TRRAP: variants seen among roughly 807,000 people sequenced by gnomAD.
The protein encoded by TRRAP is transformation/transcription domain associated protein.
Under a neutral mutation model 438.8 loss-of-function variants are expected in TRRAP, and 41 were observed. That is an observed-to-expected ratio of 0.09 (90% confidence interval 0.07 to 0.12). TRRAP has a LOEUF of 0.12. Ranked by LOEUF, TRRAP falls within the 10% of genes least tolerant of loss-of-function variation. TRRAP has a pLI of 1.00. For missense variants in TRRAP, 3,122 were observed against 5,055.1 expected (o/e 0.62, Z 11.60); for synonymous variants, 1,994 against 1,962.9 (o/e 1.02, Z -0.42).
intron 30 of TRRAP, among the ~76,000 whole-genome samples, 194 bp from the exon 31 acceptor site, chr7:98,942,755 G>C (rs1790854905): frequency 6.6e-6 from 1 of 152,204 alleles, no homozygotes; most frequent in Non-Finnish European, 1.5e-5. Flanking sequence ...GTCAGAGCAA[G>C]GCAGGCTTTT....
intron 20 of TRRAP, among the ~76,000 whole-genome samples, chr7:98,919,245 G>T (rs1789675258): frequency 6.6e-6 from 1 of 152,158 alleles, no homozygotes; most frequent in African/African-American, 2.4e-5. Flanking sequence ...TGAGTTTGAG[G>T]TTGGGATATT....
chr7:98,929,108 T>A (rs1159698890), intron 23 of TRRAP, among the ~76,000 whole-genome samples: 1 of 151,920 alleles, frequency 6.6e-6, no homozygotes, highest in Non-Finnish European at 1.5e-5. Flanking sequence ...CCGGGTAATT[T>A]TTTTGGTATT....
In TRRAP at chr7:99,012,256, G is replaced by A; in HGVS notation, c.11523G>A (p.Gln3841=). The A allele has an allele frequency of 6.2e-7, 1 of 1,614,068 alleles. No individual in the cohort carries two copies. The highest frequency in any genetic ancestry group is 8.5e-7 in the Non-Finnish European group (1 of 1,180,000). The change falls in exon 73 of 73, where the codon CAG becomes CAA. Residue 3841 remains glutamine (Q), a synonymous_variant. Transcript: ENST00000456197. The surrounding 1 kb of genome is among the most constrained non-coding windows in gnomAD (Gnocchi z 5.9). The part of the protein sequence containing the change: ...AIMTRLHNLA[Q]FEGGESKVNT... ...TGACCCGCCTGCACAACCTCGCCCAGTTCGAAGGCGGGGAAAGCAAGGTGA... is the reference window on the plus strand; with the variant it reads ...TGACCCGCCTGCACAACCTCGCCCAATTCGAAGGCGGGGAAAGCAAGGTGA...
At position 98,955,244 on chromosome 7, in the gene TRRAP, G is replaced by A. The variant is rs782062147; in HGVS notation, c.5877G>A (p.Glu1959=). The change falls in exon 41 of 73, where the codon GAG becomes GAA. Residue 1959 remains glutamate, a synonymous_variant. Coordinates refer to ENST00000456197, the MANE Select transcript of TRRAP (RefSeq NM_001375524.1). ...ACTGGACCCGGAAGATCATTGTGGAGGAGGGGCACACCGTCCCGCAGCTGG... is the reference window on the plus strand; with the variant it reads ...ACTGGACCCGGAAGATCATTGTGGAAGAGGGGCACACCGTCCCGCAGCTGG... ...LTHWTRKIIV[E]EGHTVPQLVH... is the part of the protein sequence containing the mutation. The A allele has an allele frequency of 6.2e-7, 1 of 1,614,164 alleles. No homozygotes were observed. The highest frequency in any genetic ancestry group is 1.1e-5 in the South Asian group (1 of 91,076).
intron 44 of TRRAP, among the ~76,000 whole-genome samples, chr7:98,958,590 G>A (rs564315267): frequency 7.8e-4 from 118 of 152,250 alleles, no homozygotes; most frequent in Non-Finnish European, 1.4e-3. Flanking sequence ...ATGAGCCACC[G>A]TGCCTGGCCT....
At chr7:98,917,320 C>T in intron 19 of TRRAP, 103 bp from the exon 20 acceptor site, 2 of 1,489,536 alleles carry the variant, frequency 1.3e-6, no homozygotes, top group Non-Finnish European at 1.8e-6. Flanking sequence ...TGCAGTTGTG[C>T]TGATGTGCAC....
intron 62 of TRRAP, among the ~76,000 whole-genome samples, chr7:98,985,476 C>T (rs1793109173): frequency 6.6e-6 from 1 of 152,238 alleles, no homozygotes; most frequent in Non-Finnish European, 1.5e-5. Flanking sequence ...CTGATGTTGC[C>T]TGTGACTGCT....
rs543460871 is a variant in TRRAP, at chr7:98,991,230, G to A, written c.9756+611G>A. ...GCATAGAGGAAGGACCAGAAACGGC[G>A]GAAGCGTGGCTACAGTGAGGTTTGG... On this transcript the variant is annotated intron_variant, in intron 64 of 72. Coordinates refer to ENST00000456197, the MANE Select transcript of TRRAP (RefSeq NM_001375524.1). Among the ~76,000 whole-genome samples the A allele has an allele frequency of 3.9e-5, 6 of 152,324 alleles. No homozygotes were observed. The South Asian group carries it at 1.0e-3, about 26-fold the overall frequency.
intron 33 of TRRAP, among the ~76,000 whole-genome samples, chr7:98,947,210 A>G (rs763172363): frequency 6.6e-6 from 1 of 152,224 alleles, no homozygotes; most frequent in Non-Finnish European, 1.5e-5. Context: ...GAGAAGGGAA[A>G]GCTGGAGCAA....
rs181601878 is a variant in TRRAP, at chr7:99,010,730, A to T, written c.10939-322A>T. Among the ~76,000 whole-genome samples the T allele has an allele frequency of 5.3e-4, 80 of 152,268 alleles. 1 individual carries two copies. The highest frequency in any genetic ancestry group is 1.8e-3 in the African/African-American group (76 of 41,552). ...GTTGTGTTCTGTTAATTGGCCTGAT[A>T]TATTCCATAGTCAGCAAGGGTGGAA... On this transcript the variant is annotated intron_variant, in intron 70 of 72. Transcript: ENST00000456197.
intron 11 of TRRAP, among the ~76,000 whole-genome samples, chr7:98,902,153 T>G (rs1194837715): frequency 6.6e-6 from 1 of 152,248 alleles, no homozygotes; most frequent in East Asian, 1.9e-4. Flanking sequence ...TGACTTTTGC[T>G]GCTGTTAGAA....
intron 33 of TRRAP, among the ~76,000 whole-genome samples, chr7:98,947,920 C>T (rs1584347226): frequency 6.6e-6 from 1 of 152,210 alleles, no homozygotes; most frequent in East Asian, 1.9e-4. Flanking sequence ...GGTAAGGTCA[C>T]CTTTACCACT....
At chr7:98,891,720 A>T (rs1227984625) in intron 4 of TRRAP, among the ~76,000 whole-genome samples, 1 of 147,786 alleles carries the variant, frequency 6.8e-6, no homozygotes, top group East Asian at 2.1e-4. Context: ...TATTTTTTTT[A>T]GTAGAGACAG....
intron 67 of TRRAP, among the ~76,000 whole-genome samples, chr7:99,000,308 T>C (rs900265207): frequency 6.6e-6 from 1 of 152,156 alleles, no homozygotes; most frequent in African/African-American, 2.4e-5. Context: ...TGCCCGGCCA[T>C]GTATTTCAGT....
chr7:98,945,687 G>T, intron 31 of TRRAP, 60 bp from the exon 32 acceptor site: 2 of 1,581,878 alleles, frequency 1.3e-6, no homozygotes, highest in South Asian at 2.3e-5. Context: ...TTGAGTATGT[G>T]GGAAGTTTTT....
intron 35 of TRRAP, among the ~76,000 whole-genome samples, 192 bp from the exon 36 acceptor site, chr7:98,949,223 ACT>A (rs1554417566): frequency 1.3e-5 from 2 of 151,534 alleles, no homozygotes; most frequent in Non-Finnish European, 1.5e-5. Context: ...TAGACCCAAG[ACT>A]CTGTCTCTTT....
At chr7:98,919,222 C>T (rs1036601836) in intron 20 of TRRAP, among the ~76,000 whole-genome samples, 22 of 152,094 alleles carry the variant, frequency 1.4e-4, no homozygotes, top group African/African-American at 4.6e-4. Context: ...AGATTGGAGA[C>T]TGCAGCTAGG....
At chr7:98,978,360 A>C (rs1348131195) in intron 57 of TRRAP, 37 bp downstream of exon 57, 2 of 1,541,726 alleles carry the variant, frequency 1.3e-6, no homozygotes, top group East Asian at 4.5e-5. Flanking sequence ...TGCATGAATC[A>C]GTTAAGGGAA....
chr7:98,989,451 C>A (rs1167650076), intron 63 of TRRAP, among the ~76,000 whole-genome samples: 1 of 152,272 alleles, frequency 6.6e-6, no homozygotes, highest in Non-Finnish European at 1.5e-5. Flanking sequence ...ACTTGACACT[C>A]AGGTTCCCCC....
Sources: gnomAD v4.1 joint callset for allele counts (sites outside exome capture counted in the v4.1 genomes callset) on GRCh38, gnomAD v4.1.1 for gene constraint, Gnocchi (gnomAD v3.1) non-coding constraint, MANE v1.5 for transcripts, NCBI Gene and HGNC (gene_info 2026-07-23, HGNC 2026-07-21) for gene names.